MYO9A: variants seen among roughly 807,000 people sequenced by gnomAD.
MYO9A encodes the protein unconventional myosin-IXa.
In MYO9A, 103 loss-of-function variants were observed where a neutral mutation model predicts 293.3. The observed-to-expected ratio is 0.35, with a 90% CI of 0.30 to 0.41. The LOEUF (loss-of-function observed/expected upper bound fraction) is 0.41, where lower values mean the gene tolerates loss of function less well. Among genes scored for constraint, MYO9A ranks in the 10% least tolerant of loss-of-function variants. The probability of loss-of-function intolerance (pLI) is 1.00; values close to 1 mark genes in which losing one functional copy is unlikely to be tolerated. For synonymous variants in MYO9A, 1,001 were observed against 1,035.7 expected, an observed-to-expected ratio of 0.97 and a Z score of 0.64; for missense variants, 2,685 against 3,033.0, an observed-to-expected ratio of 0.89 and a Z score of 2.69.
intron 1 of MYO9A, among the ~76,000 whole-genome samples, chr15:72,110,882 G>A (rs116699773): frequency 0.011 from 1,664 of 152,238 alleles, 28 homozygotes; most frequent in African/African-American, 0.038. Context: ...GATTTCGGCC[G>A]GGCATGGTGG....
intron 9 of MYO9A, among the ~76,000 whole-genome samples, chr15:71,996,435 C>T (rs934435986): frequency 1.3e-5 from 2 of 152,148 alleles, no homozygotes; most frequent in Admixed American, 1.3e-4. Context: ...TCTGTAACTC[C>T]AAATTTTATA....
intron 1 of MYO9A, among the ~76,000 whole-genome samples, chr15:72,069,291 G>T (rs2079111112): frequency 6.6e-6 from 1 of 152,146 alleles, no homozygotes; most frequent in Admixed American, 6.5e-5. Context: ...TGACTCTTGA[G>T]GTTAACCTTG....
At chr15:71,848,364 TTGA>T (rs1186893255) in intron 39 of MYO9A, among the ~76,000 whole-genome samples, 1 of 152,206 alleles carries the variant, frequency 6.6e-6, no homozygotes, top group East Asian at 1.9e-4. Context: ...GAAATACTTT[TTGA>T]TTACAGTAGA....
At chr15:72,060,445 T>C (rs905763169) in intron 1 of MYO9A, among the ~76,000 whole-genome samples, 2 of 151,370 alleles carry the variant, frequency 1.3e-5, no homozygotes, top group African/African-American at 4.9e-5. Flanking sequence ...CTGGTGAGGG[T>C]AGGAAAGACA....
rs528943656 is a variant in MYO9A, at chr15:72,106,107, GGAT to G, written c.-72+11570_-72+11572del. The stretch of plus-strand genomic sequence containing the variant: ...TTTTATTTTTGAAAGAAAAATATTA[GGAT>G]GATTAATCAAAGACTTACAAAAATG... On this transcript the variant is annotated intron_variant, in intron 1 of 41. Coordinates refer to ENST00000356056, the MANE Select transcript of MYO9A (RefSeq NM_006901.4). Among the ~76,000 whole-genome samples the G allele has an allele frequency of 2.0e-3, 301 of 152,236 alleles. 2 individuals carry two copies. Among genetic ancestry groups the G allele is most frequent in the African/African-American group, 6.6e-3 (274 of 41,542 alleles).
intron 19 of MYO9A, among the ~76,000 whole-genome samples, chr15:71,915,909 A>G (rs1175363355): frequency 1.3e-5 from 2 of 152,170 alleles, no homozygotes; most frequent in African/African-American, 2.4e-5. Flanking sequence ...TATCATATTT[A>G]TTCCTAAAAG....
At chr15:72,078,274 G>A (rs1479787341) in intron 1 of MYO9A, among the ~76,000 whole-genome samples, 9 of 152,082 alleles carry the variant, frequency 5.9e-5, no homozygotes, top group Admixed American at 2.0e-4. Flanking sequence ...TGGGAGGAAC[G>A]CTTGAGCCTA....
rs57800508 is a variant in MYO9A, at chr15:71,975,390, C to CGTGTGTGTGTGTGTGTGTGTGTGTGT, written c.1844+2755_1844+2780dup. ...CCTTTGGCCTATGACGTGATTTTAT[C>CGTGTGTGTGTGTGTGTGTGTGTGTGT]GTGTGTGTGTGTGTGTGTGTGTGTG... On this transcript the variant is annotated intron_variant, in intron 12 of 41. Coordinates refer to ENST00000356056, the MANE Select transcript of MYO9A (RefSeq NM_006901.4). Among the ~76,000 whole-genome samples, 102 of 86,676 alleles carry CGTGTGTGTGTGTGTGTGTGTGTGTGT rather than the reference C, an allele frequency of 1.2e-3. 11 individuals are homozygous for CGTGTGTGTGTGTGTGTGTGTGTGTGT. Among genetic ancestry groups the CGTGTGTGTGTGTGTGTGTGTGTGTGT allele is most frequent in the African/African-American group, 3.9e-3 (75 of 19,062 alleles). The allele number at this position is 86,676 out of a possible 152,430, so 56.9% of individuals were successfully genotyped here.
intron 25 of MYO9A, among the ~76,000 whole-genome samples, chr15:71,894,828 C>G (rs1052761874): frequency 5.3e-5 from 8 of 152,082 alleles, no homozygotes; most frequent in African/African-American, 1.4e-4. Flanking sequence ...CCCCAATTAC[C>G]TATATTAACT....
Position 71,957,648 on chromosome 15 carries a change from TAAAC to T in MYO9A, c.2182+2249_2182+2252del, listed in dbSNP as rs139077028. Among the ~76,000 whole-genome samples the T allele has an allele frequency of 5.5e-3, 830 of 152,186 alleles. 11 individuals carry two copies. The highest frequency in any genetic ancestry group is 0.018 in the African/African-American group (760 of 41,520). The stretch of plus-strand genomic sequence containing the variant: ...CACTAGAACGCTTCTCCCACTTACA[TAAAC>T]AAACAGAAGTACATCAGAGTTACAT... On this transcript the variant is annotated intron_variant, in intron 14 of 41. Coordinates refer to ENST00000356056, the MANE Select transcript of MYO9A (RefSeq NM_006901.4).
chr15:71,996,564 T>C (rs921508957), intron 9 of MYO9A, among the ~76,000 whole-genome samples: 2 of 152,212 alleles, frequency 1.3e-5, no homozygotes, highest in African/African-American at 4.8e-5. Context: ...TCCTATGTCA[T>C]TGAAGGGTAC....
chr15:71,974,343 T>C (rs2147617212), intron 12 of MYO9A, among the ~76,000 whole-genome samples: 1 of 152,314 alleles, frequency 6.6e-6, no homozygotes, highest in East Asian at 1.9e-4. Context: ...CACGAGTGTG[T>C]GCTCACATTC....
At chr15:72,041,612 A>C in intron 2 of MYO9A, 1 of 258,964 alleles carries the variant, frequency 3.9e-6, no homozygotes, top group Non-Finnish European at 7.7e-6. Flanking sequence ...GAGTGCTGGA[A>C]GCCCCAGCAT....
rs141317256 is a variant in MYO9A at position 71,984,257 on chromosome 15, AT to A, written c.1723-5966del. Among the ~76,000 whole-genome samples the A allele has an allele frequency of 4.3e-3, 650 of 152,342 alleles. 4 individuals carry two copies. Among genetic ancestry groups the A allele is most frequent in the Middle Eastern group, 6.8e-3 (2 of 294 alleles). On this transcript the variant is annotated intron_variant, in intron 11 of 41. Transcript: ENST00000356056. ...CATTTAAGGTAGGCTATGTCAAGTT[AT>A]GATGCTTGGTAGTTTAGATGCATTA... is the stretch of plus-strand genomic sequence containing the variant.
At chr15:71,930,435 C>T (rs1460243851) in intron 18 of MYO9A, among the ~76,000 whole-genome samples, 2 of 152,056 alleles carry the variant, frequency 1.3e-5, no homozygotes, top group African/African-American at 4.8e-5. Flanking sequence ...TGACCATACC[C>T]CTTTTTATTA....
intron 25 of MYO9A, among the ~76,000 whole-genome samples, chr15:71,896,650 T>C (rs1320688465): frequency 6.6e-6 from 1 of 151,804 alleles, no homozygotes; most frequent in African/African-American, 2.4e-5. Context: ...CATGGTGGCG[T>C]GCACCTATAG....
intron 15 of MYO9A, among the ~76,000 whole-genome samples, chr15:71,939,208 G>A (rs1202507863): frequency 2.6e-5 from 4 of 151,934 alleles, no homozygotes; most frequent in African/African-American, 9.7e-5. Flanking sequence ...AAGTGTACAA[G>A]TTCATTTTTA....
At chr15:71,895,547 C>T (rs2057298573) in intron 25 of MYO9A, among the ~76,000 whole-genome samples, 1 of 152,116 alleles carries the variant, frequency 6.6e-6, no homozygotes, top group Admixed American at 6.6e-5. Context: ...CCTCTATGGG[C>T]CCCAGTGACC....
chr15:72,044,209 C>T (rs1339884593), intron 2 of MYO9A, among the ~76,000 whole-genome samples: 1 of 152,018 alleles, frequency 6.6e-6, no homozygotes, highest in Non-Finnish European at 1.5e-5. Flanking sequence ...GAGTTCAAGA[C>T]CAGCCTGACC....
Sources: allele counts gnomAD v4.1 joint callset (sites outside exome capture counted in the v4.1 genomes callset), GRCh38; gene constraint gnomAD v4.1.1; transcripts MANE v1.5; gene names NCBI Gene and HGNC (gene_info 2026-07-23, HGNC 2026-07-21).